The following ATG5 variants were observed in gnomAD, a reference collection of about 807,000 sequenced individuals.
The protein encoded by ATG5 is autophagy protein 5.
In ATG5, 14 loss-of-function variants were observed where a neutral mutation model predicts 36.5. The ratio of observed to expected loss-of-function variants is 0.38; its 90% CI spans 0.25 to 0.60. ATG5 has a LOEUF of 0.60. Among genes scored for constraint, ATG5 ranks in the 20% least tolerant of loss-of-function variants. The probability of loss-of-function intolerance (pLI) is 0.60; values close to 1 mark genes in which losing one functional copy is unlikely to be tolerated. For missense variants in ATG5, 195 were observed against 326.7 expected (o/e 0.60, Z 3.11); for synonymous variants, 95 against 101.5 (o/e 0.94, Z 0.38).
chr6:106,289,202 C>T (rs1352023168), intron 4 of ATG5, among the ~76,000 whole-genome samples: 1 of 152,108 alleles, frequency 6.6e-6, no homozygotes, highest in Non-Finnish European at 1.5e-5. Context: ...AAAACCACTT[C>T]CTCACTAAAA....
intron 5 of ATG5, among the ~76,000 whole-genome samples, chr6:106,249,649 C>G (rs1266676248): frequency 6.6e-6 from 1 of 152,206 alleles, no homozygotes; most frequent in Admixed American, 6.5e-5. Context: ...CTCTATTTAA[C>G]TGATACATGG....
chr6:106,201,319 C>T (rs972233280), intron 7 of ATG5, among the ~76,000 whole-genome samples: 4 of 150,648 alleles, frequency 2.7e-5, no homozygotes, highest in Non-Finnish European at 5.9e-5. Context: ...CAACAGTGGT[C>T]TCTATCAGTT....
intron 5 of ATG5, among the ~76,000 whole-genome samples, chr6:106,262,001 G>T (rs1412767994): frequency 2.0e-5 from 3 of 152,162 alleles, no homozygotes; most frequent in Admixed American, 6.5e-5. Context: ...CACAGGAGTG[G>T]TTCCCAAACT....
intron 3 of ATG5, among the ~76,000 whole-genome samples, chr6:106,307,237 T>G (rs1437927454): frequency 1.3e-5 from 2 of 152,228 alleles, no homozygotes; most frequent in African/African-American, 4.8e-5. Flanking sequence ...CTCTTCATTT[T>G]AATATTCCCC....
intron 5 of ATG5, among the ~76,000 whole-genome samples, chr6:106,256,878 A>C (rs1778821884): frequency 6.6e-6 from 1 of 152,192 alleles, no homozygotes; most frequent in Non-Finnish European, 1.5e-5. Flanking sequence ...GTTACATTGA[A>C]TTTATTTAAA....
chr6:106,222,705 A>G (rs1777298425), intron 6 of ATG5, among the ~76,000 whole-genome samples: 1 of 152,244 alleles, frequency 6.6e-6, no homozygotes, highest in South Asian at 2.1e-4. Flanking sequence ...CTATAAAGCC[A>G]GACTGGACTC....
intron 7 of ATG5, among the ~76,000 whole-genome samples, chr6:106,200,973 G>C (rs1027461390): frequency 2.0e-5 from 3 of 152,148 alleles, no homozygotes; most frequent in Non-Finnish European, 4.4e-5. Context: ...CCAGGCTCAA[G>C]TCGCTTATAT....
At chr6:106,322,207 G>A (rs1771107481) in intron 1 of ATG5, among the ~76,000 whole-genome samples, 1 of 151,694 alleles carries the variant, frequency 6.6e-6, no homozygotes, top group Admixed American at 6.5e-5. Flanking sequence ...GACAGAGTAG[G>A]TGCCCACCAA....
At chr6:106,296,679 G>A (rs542622594) in intron 3 of ATG5, among the ~76,000 whole-genome samples, 96 of 152,282 alleles carry the variant, frequency 6.3e-4, no homozygotes, top group African/African-American at 2.1e-3. Context: ...TTAGCTGGGC[G>A]TGGTCGCATG....
chr6:106,195,172 A>T (rs866884353), intron 7 of ATG5, among the ~76,000 whole-genome samples: 28 of 152,248 alleles, frequency 1.8e-4, no homozygotes, highest in African/African-American at 6.8e-4. Flanking sequence ...CGTATTCATA[A>T]ATACTAGTAC....
intron 5 of ATG5, among the ~76,000 whole-genome samples, chr6:106,265,323 C>T (rs1326780275): frequency 6.6e-6 from 1 of 152,112 alleles, no homozygotes; most frequent in African/African-American, 2.4e-5. Context: ...TATATGTGCA[C>T]CCAATACAGG....
chr6:106,282,813 G>T (rs1779932047), intron 4 of ATG5, among the ~76,000 whole-genome samples: 1 of 151,870 alleles, frequency 6.6e-6, no homozygotes, highest in African/African-American at 2.4e-5. Flanking sequence ...TTTTGAGAGG[G>T]TCTCACTGTG....
chr6:106,298,138 T>C (rs1402372157), intron 3 of ATG5, among the ~76,000 whole-genome samples: 1 of 151,930 alleles, frequency 6.6e-6, no homozygotes, highest in African/African-American at 2.4e-5. Flanking sequence ...CTAATGTTTG[T>C]ATTTTTAGTA....
At position 106,293,115 on chromosome 6, in the gene ATG5, G is replaced by C. The variant is rs1219544909; in HGVS notation, c.237-9C>G. 6.2e-7 allele frequency: 1 copy of C among 1,606,644 alleles called. No homozygotes were observed. Among genetic ancestry groups the C allele is most frequent in the Non-Finnish European group, 8.5e-7 (1 of 1,174,040 alleles). ...AACCAATTGGATAATGCCTAAAAAT[G>C]AAACAGTATATTTTGAGAAAATAAA... is the stretch of plus-strand genomic sequence containing the variant. On this transcript the variant is annotated splice_polypyrimidine_tract_variant and intron_variant, in intron 3 of 7. Transcript: ENST00000369076.
chr6:106,272,206 TC>T (rs995238829), intron 5 of ATG5, among the ~76,000 whole-genome samples: 14 of 152,238 alleles, frequency 9.2e-5, no homozygotes, highest in Admixed American at 4.6e-4. Flanking sequence ...CCTTTTCAAT[TC>T]CCATTTGCTT....
intron 2 of ATG5, 72 bp from the exon 3 acceptor site, chr6:106,308,563 G>T: frequency 8.4e-7 from 1 of 1,187,866 alleles, no homozygotes; most frequent in Non-Finnish European, 1.1e-6. Context: ...GTAGGTTTTT[G>T]AATTTTAAGG....
At chr6:106,252,773 G>A (rs1778647259) in intron 5 of ATG5, among the ~76,000 whole-genome samples, 1 of 152,196 alleles carries the variant, frequency 6.6e-6, no homozygotes, top group South Asian at 2.1e-4. Flanking sequence ...CCGATGAAAT[G>A]GTCTCCACAT....
At chr6:106,246,598 T>C (rs1778350308) in intron 6 of ATG5, among the ~76,000 whole-genome samples, 1 of 152,174 alleles carries the variant, frequency 6.6e-6, no homozygotes, top group East Asian at 1.9e-4. Context: ...AAATTAAGTA[T>C]AATACATTTT....
intron 7 of ATG5, among the ~76,000 whole-genome samples, chr6:106,195,903 G>T (rs1296771269): frequency 6.7e-6 from 1 of 148,806 alleles, no homozygotes; most frequent in Admixed American, 6.7e-5. Flanking sequence ...AAATTTAACA[G>T]AACAAAGAAT....
Sources: allele counts gnomAD v4.1 joint callset (sites outside exome capture counted in the v4.1 genomes callset), GRCh38; gene constraint gnomAD v4.1.1; transcripts MANE v1.5; gene names NCBI Gene and HGNC (gene_info 2026-07-23, HGNC 2026-07-21).